Variants in PICALM observed in about 807,000 individuals in gnomAD.
PICALM encodes phosphatidylinositol binding clathrin assembly protein.
A neutral mutation model predicts 80.5 loss-of-function variants in PICALM; 40 were observed. The ratio of observed to expected loss-of-function variants is 0.50; its 90% CI spans 0.39 to 0.65. The LOEUF (loss-of-function observed/expected upper bound fraction) is 0.65. Ranked by LOEUF, PICALM falls within the 30% of genes least tolerant of loss-of-function variation. The pLI, the probability that PICALM is intolerant of heterozygous loss-of-function variation, is 0.00. For synonymous variants in PICALM, 288 were observed against 260.3 expected (o/e 1.11, Z -1.02); for missense variants, 676 against 778.9 (o/e 0.87, Z 1.57).
At chr11:86,024,741 A>G (rs972950834) in intron 3 of PICALM, among the ~76,000 whole-genome samples, 3 of 152,194 alleles carry the variant, frequency 2.0e-5, no homozygotes, top group Admixed American at 6.5e-5. Context: ...TATATATTCT[A>G]TTCACATTCA....
At chr11:85,963,943 T>TTTTTTA (rs1555002813) in intron 19 of PICALM, among the ~76,000 whole-genome samples, 8 of 146,436 alleles carry the variant, frequency 5.5e-5, no homozygotes, top group African/African-American at 1.3e-4. Context: ...TTTTTTTTTT[T>TTTTTTA]ATTAAAGTTA....
At chr11:85,975,991 A>G (rs2094268583) in intron 18 of PICALM, among the ~76,000 whole-genome samples, 1 of 152,224 alleles carries the variant, frequency 6.6e-6, no homozygotes, top group Non-Finnish European at 1.5e-5. Context: ...TACATAAAGA[A>G]GTAACATAGC....
At chr11:86,023,972 G>C (rs1024154058) in intron 3 of PICALM, among the ~76,000 whole-genome samples, 1 of 152,044 alleles carries the variant, frequency 6.6e-6, no homozygotes, top group Non-Finnish European at 1.5e-5. Context: ...AAATATTTAA[G>C]AATAAAAATA....
At chr11:86,015,986 T>C (rs774699243) in intron 4 of PICALM, among the ~76,000 whole-genome samples, 116 of 152,370 alleles carry the variant, frequency 7.6e-4, no homozygotes, top group Admixed American at 2.2e-3. Flanking sequence ...TAGTCACCTA[T>C]TGATCAGCTT....
intron 1 of PICALM, among the ~76,000 whole-genome samples, chr11:86,031,828 C>T (rs1305075225): frequency 6.6e-6 from 1 of 151,988 alleles, no homozygotes; most frequent in African/African-American, 2.4e-5. Flanking sequence ...ATCAACAATA[C>T]CAAAAAATAA....
intron 1 of PICALM, among the ~76,000 whole-genome samples, chr11:86,040,349 A>G (rs1410081369): frequency 6.6e-6 from 1 of 152,132 alleles, no homozygotes; most frequent in Non-Finnish European, 1.5e-5. Flanking sequence ...TCTCTTTCTA[A>G]TAACTTTTTA....
At chr11:85,993,754 T>G (rs1045036769) in intron 12 of PICALM, among the ~76,000 whole-genome samples, 1 of 152,220 alleles carries the variant, frequency 6.6e-6, no homozygotes. Context: ...AAGTTTAATT[T>G]TATGCTACAC....
Position 86,068,734 on chromosome 11 carries a change from C to A in PICALM, c.47G>T (p.Ser16Ile). The A allele has an allele frequency of 6.2e-7, 1 of 1,612,934 alleles. No individual in the cohort carries two copies. Among genetic ancestry groups the A allele is most frequent in the Non-Finnish European group, 8.5e-7 (1 of 1,179,798 alleles). ...CTTGGATACGGCAGAGCCGGTGACA[C>A]TGTGCTGGGCGGCAGTGATTCGGTC... ...LTDRITAAQHSVTGSAVSKTV... is the reference protein window; with the variant it reads ...LTDRITAAQHIVTGSAVSKTV... Residue 16 changes from serine to isoleucine, a missense_variant, in exon 1 of 20, where the codon AGT becomes ATT. By Grantham distance (142) the Ser-to-Ile change is moderately radical. This residue lies in a region of PICALM where 285 missense variants were observed against 395.4 expected (regional missense o/e 0.72). Coordinates refer to ENST00000393346, the MANE Select transcript of PICALM (RefSeq NM_007166.4).
At chr11:85,982,056 TGGTTTTCTAAA>T in intron 14 of PICALM, 53 bp from the exon 15 acceptor site, 1 of 1,558,564 alleles carries the variant, frequency 6.4e-7, no homozygotes, top group South Asian at 1.1e-5. Flanking sequence ...TATGACGCTA[TGGTTTTCTAAA>T]GGAGGTCTTT....
intron 12 of PICALM, among the ~76,000 whole-genome samples, chr11:85,993,765 TAG>T (rs1565328597): frequency 6.6e-6 from 1 of 152,066 alleles, no homozygotes; most frequent in Non-Finnish European, 1.5e-5. Context: ...TATGCTACAC[TAG>T]AGTCATCTAA....
At chr11:86,062,186 A>C (rs1253441810) in intron 1 of PICALM, among the ~76,000 whole-genome samples, 1 of 152,214 alleles carries the variant, frequency 6.6e-6, no homozygotes, top group African/African-American at 2.4e-5. Context: ...GATATGTGCC[A>C]TACAATTGGC....
intron 13 of PICALM, among the ~76,000 whole-genome samples, chr11:85,987,660 T>C (rs79320784): frequency 1.6e-3 from 244 of 152,358 alleles, no homozygotes; most frequent in African/African-American, 5.5e-3. Context: ...TTCTGAGAGA[T>C]AGGGTCTTGC....
chr11:86,001,181 A>C, intron 9 of PICALM, 23 bp from the exon 10 acceptor site: 2 of 1,609,622 alleles, frequency 1.2e-6, no homozygotes, highest in African/African-American at 2.7e-5. Context: ...AACAGAGATA[A>C]TTTGGCTTTT....
rs601185 is a variant in PICALM at position 85,975,108 on chromosome 11, A to T, written c.1840-296T>A. Among the ~76,000 whole-genome samples, 123,734 of 152,194 alleles carry T rather than the reference A, an allele frequency of 0.81. 50,487 individuals carry two copies. The highest frequency in any genetic ancestry group is 0.88 in the African/African-American group (36,616 of 41,540). On this transcript the variant is annotated intron_variant, in intron 18 of 19. Transcript: ENST00000393346. ...TTGTATTACAACAGATAAAATGATTAAGACTAAGAGTTTCCAAATTTATCA... is the reference window on the plus strand; with the variant it reads ...TTGTATTACAACAGATAAAATGATTTAGACTAAGAGTTTCCAAATTTATCA...
At chr11:86,035,379 T>C (rs1243014797) in intron 1 of PICALM, among the ~76,000 whole-genome samples, 1 of 151,866 alleles carries the variant, frequency 6.6e-6, no homozygotes, top group African/African-American at 2.4e-5. Flanking sequence ...GAATGCAGAG[T>C]TCTCAAGTTC....
At chr11:85,976,022 G>C (rs922567561) in intron 18 of PICALM, among the ~76,000 whole-genome samples, 1 of 152,164 alleles carries the variant, frequency 6.6e-6, no homozygotes, top group African/African-American at 2.4e-5. Flanking sequence ...GCAATACCAA[G>C]GGACACGGTA....
chr11:86,010,404 G>A (rs2095372255), intron 7 of PICALM, among the ~76,000 whole-genome samples: 1 of 150,628 alleles, frequency 6.6e-6, no homozygotes, highest in Admixed American at 6.6e-5. Flanking sequence ...TCAGCTCACT[G>A]CAACCTCCGC....
At chr11:86,058,301 T>C (rs2096301790) in intron 1 of PICALM, among the ~76,000 whole-genome samples, 1 of 152,090 alleles carries the variant, frequency 6.6e-6, no homozygotes, top group Non-Finnish European at 1.5e-5. Flanking sequence ...GGACCTATAA[T>C]CAGAAGAAAC....
chr11:86,025,411 A>G (rs2095634298), intron 3 of PICALM, among the ~76,000 whole-genome samples: 1 of 152,164 alleles, frequency 6.6e-6, no homozygotes, highest in African/African-American at 2.4e-5. Context: ...AAAAACATAA[A>G]TAAGAAAATA....
Sources: gnomAD v4.1 joint callset for allele counts (sites outside exome capture counted in the v4.1 genomes callset) on GRCh38, gnomAD v4.1.1 for gene constraint, gnomAD v4.1.1 regional missense constraint, MANE v1.5 for transcripts, NCBI Gene and HGNC (gene_info 2026-07-23, HGNC 2026-07-21) for gene names.